The following CCDC6 variants were observed in gnomAD, a reference collection of about 807,000 sequenced individuals.
CCDC6 encodes the protein coiled-coil domain containing 6.
CCDC6 carries 20 observed loss-of-function variants against 56.6 expected under a neutral mutation model. The ratio of observed to expected loss-of-function variants is 0.35; its 90% CI spans 0.25 to 0.51. The LOEUF (loss-of-function observed/expected upper bound fraction) is 0.51. CCDC6 is among the 20% of genes least tolerant of loss of function. The probability of loss-of-function intolerance (pLI) is 0.95; values close to 1 mark genes in which losing one functional copy is unlikely to be tolerated. For synonymous variants in CCDC6, 241 were observed against 234.4 expected, an observed-to-expected ratio of 1.03 and a Z score of -0.26; for missense variants, 367 against 601.1, an observed-to-expected ratio of 0.61 and a Z score of 4.07.
chr10:59,816,424 A>C (rs147620061), intron 3 of CCDC6, among the ~76,000 whole-genome samples: 4 of 152,272 alleles, frequency 2.6e-5, no homozygotes, highest in Non-Finnish European at 4.4e-5. Flanking sequence ...CAGTCACAAA[A>C]CAGCAGCCAA....
chr10:59,875,475 G>A (rs2071270889), intron 1 of CCDC6, among the ~76,000 whole-genome samples: 2 of 152,174 alleles, frequency 1.3e-5, no homozygotes, highest in Admixed American at 6.5e-5. Flanking sequence ...TTGTCCAGGT[G>A]AGCTTCAAGG....
At chr10:59,862,562 T>TACACAAAC (rs1360725553) in intron 1 of CCDC6, among the ~76,000 whole-genome samples, 1 of 101,968 alleles carries the variant, frequency 9.8e-6, no homozygotes, top group African/African-American at 4.6e-5. Flanking sequence ...CACACATATA[T>TACACAAAC]ATACACATAC....
At chr10:59,832,883 T>C (rs1229327531) in intron 2 of CCDC6, among the ~76,000 whole-genome samples, 1 of 152,228 alleles carries the variant, frequency 6.6e-6, no homozygotes, top group East Asian at 1.9e-4. Context: ...AATATACTTT[T>C]TGCTACCTTT....
intron 2 of CCDC6, among the ~76,000 whole-genome samples, chr10:59,835,521 G>A (rs1478319385): frequency 6.6e-6 from 1 of 152,182 alleles, no homozygotes; most frequent in Admixed American, 6.5e-5. Context: ...CAGAACTCAA[G>A]TAAGGTCACT....
chr10:59,882,117 GGGGGGAGAAGGAAAGGAAA>G (rs2071344562), intron 1 of CCDC6, among the ~76,000 whole-genome samples: 4 of 41,128 alleles, frequency 9.7e-5, no homozygotes, highest in African/African-American at 2.3e-4. Context: ...AAGGAAAGCC[GGGGGGAGAAGGAAAGGAAA>G]GCCGCGGGGA....
intron 7 of CCDC6, among the ~76,000 whole-genome samples, chr10:59,795,515 C>T (rs150487924): frequency 6.9e-4 from 104 of 151,556 alleles, no homozygotes; most frequent in Non-Finnish European, 1.3e-3. Flanking sequence ...GGTACATGTG[C>T]ACAATGTGCA....
At chr10:59,809,878 A>C (rs1251900390) in intron 5 of CCDC6, among the ~76,000 whole-genome samples, 2 of 152,206 alleles carry the variant, frequency 1.3e-5, no homozygotes, top group Admixed American at 6.5e-5. Context: ...TGAAGTAAGG[A>C]CTTACTGTAT....
intron 7 of CCDC6, among the ~76,000 whole-genome samples, chr10:59,802,666 A>G (rs1224465113): frequency 6.6e-6 from 1 of 152,244 alleles, no homozygotes; most frequent in Non-Finnish European, 1.5e-5. Context: ...CAAATAGCTT[A>G]TCTATCCAAG....
chr10:59,867,057 T>C (rs147231631), intron 1 of CCDC6, among the ~76,000 whole-genome samples: 16 of 152,326 alleles, frequency 1.1e-4, no homozygotes, highest in African/African-American at 3.1e-4. Flanking sequence ...CCATACATAG[T>C]GTTCCTGTGT....
chr10:59,868,415 G>A (rs374147585), intron 1 of CCDC6, among the ~76,000 whole-genome samples: 29 of 152,284 alleles, frequency 1.9e-4, no homozygotes, highest in African/African-American at 6.3e-4. Flanking sequence ...ATGCAGATAC[G>A]TTGTCCAGCC....
chr10:59,815,668 T>C (rs1343573010), intron 3 of CCDC6, among the ~76,000 whole-genome samples: 4 of 152,224 alleles, frequency 2.6e-5, no homozygotes, highest in East Asian at 3.8e-4. Context: ...TTCTCCGTAC[T>C]TGACATATTA....
At chr10:59,880,791 T>C (rs1169868175) in intron 1 of CCDC6, among the ~76,000 whole-genome samples, 1 of 152,168 alleles carries the variant, frequency 6.6e-6, no homozygotes, top group African/African-American at 2.4e-5. Flanking sequence ...CATCTGTAAA[T>C]GAGGATAACT....
chr10:59,824,716 A>G (rs953288970), intron 3 of CCDC6, among the ~76,000 whole-genome samples: 4 of 152,208 alleles, frequency 2.6e-5, no homozygotes, highest in African/African-American at 4.8e-5. Context: ...AAAAACATCA[A>G]TAGCTGTTTT....
intron 1 of CCDC6, among the ~76,000 whole-genome samples, chr10:59,858,374 G>A (rs952656524): frequency 6.6e-6 from 1 of 152,158 alleles, no homozygotes; most frequent in Non-Finnish European, 1.5e-5. Flanking sequence ...TTGCCAGCAA[G>A]TCACTAATAT....
intron 1 of CCDC6, among the ~76,000 whole-genome samples, chr10:59,871,757 AC>A: frequency 6.6e-6 from 1 of 152,284 alleles, no homozygotes; most frequent in African/African-American, 2.4e-5. Context: ...CCTTTATGGC[AC>A]AGCACACATC....
intron 1 of CCDC6, among the ~76,000 whole-genome samples, chr10:59,854,769 T>C (rs1199254169): frequency 6.6e-6 from 1 of 152,212 alleles, no homozygotes; most frequent in Non-Finnish European, 1.5e-5. Context: ...ATTTAAGACA[T>C]ATTTGACACA....
intron 1 of CCDC6, among the ~76,000 whole-genome samples, chr10:59,870,059 C>T (rs1454516692): frequency 6.6e-6 from 1 of 152,154 alleles, no homozygotes; most frequent in African/African-American, 2.4e-5. Flanking sequence ...TTCTTTCCAT[C>T]GAGGATGTAT....
At position 59,791,983 on chromosome 10, in the gene CCDC6, T is replaced by C. The variant is rs1243554218; in HGVS notation, c.*934A>G. The C allele has an allele frequency of 9.0e-6, 2 of 221,672 alleles. No homozygotes were observed. The highest frequency in any genetic ancestry group is 4.5e-5 in the African/African-American group (2 of 44,716). 13.7% of individuals were successfully genotyped at this position (221,672 alleles called of 1,614,324 possible). A position where few individuals can be genotyped will look rare whatever the true frequency, so the allele number is the denominator to read the frequency against. ...AATGTCCATTTCAAATAGTATTTTC[T>C]AATGGTATTTTGCACCTTTAAAATA... On this transcript the variant is annotated 3_prime_UTR_variant, in exon 9 of 9. Transcript: ENST00000263102.
At chr10:59,832,742 C>A in intron 2 of CCDC6, 89 bp from the exon 3 acceptor site, 1 of 1,400,670 alleles carries the variant, frequency 7.1e-7, no homozygotes, top group Non-Finnish European at 9.8e-7. Flanking sequence ...TACAAAGAAG[C>A]TATACCACAA....
Sources: gnomAD v4.1 joint callset for allele counts (sites outside exome capture counted in the v4.1 genomes callset) on GRCh38, gnomAD v4.1.1 for gene constraint, MANE v1.5 for transcripts, NCBI Gene and HGNC (gene_info 2026-07-23, HGNC 2026-07-21) for gene names.